The following TENM3 variants were observed in gnomAD, a reference collection of about 807,000 sequenced individuals.
TENM3 encodes teneurin-3.
In TENM3, 63 loss-of-function variants were observed where a neutral mutation model predicts 255.1. That is an observed-to-expected ratio of 0.25 (90% CI 0.20 to 0.30). The LOEUF (loss-of-function observed/expected upper bound fraction) is 0.30, where lower values mean the gene tolerates loss of function less well. Among genes scored for constraint, TENM3 ranks in the 10% least tolerant of loss-of-function variants. The probability of loss-of-function intolerance (pLI) is 1.00; values close to 1 mark genes in which losing one functional copy is unlikely to be tolerated. For missense variants in TENM3, 2,929 were observed against 3,461.1 expected (o/e 0.85, Z 3.86); for synonymous variants, 1,306 against 1,322.3 (o/e 0.99, Z 0.27).
At chr4:182,608,322 C>T (rs1748629560) in intron 4 of TENM3, among the ~76,000 whole-genome samples, 1 of 152,246 alleles carries the variant, frequency 6.6e-6, no homozygotes. Flanking sequence ...GGCACAATCA[C>T]GGCTCCCAGC....
chr4:182,660,008 A>G (rs985129763), intron 6 of TENM3, among the ~76,000 whole-genome samples: 67 of 152,368 alleles, frequency 4.4e-4, no homozygotes, highest in African/African-American at 1.6e-3. Context: ...GGTCTCATCA[A>G]TTAAAAGGGA....
intron 4 of TENM3, among the ~76,000 whole-genome samples, chr4:182,604,364 A>G (rs1212043647): frequency 6.6e-6 from 1 of 152,210 alleles, no homozygotes; most frequent in Non-Finnish European, 1.5e-5. Context: ...GTATAATACC[A>G]AGTGCTTGCT....
chr4:181,861,462 G>A, the TENM3 span, among the ~76,000 whole-genome samples: 2 of 152,258 alleles, frequency 1.3e-5, 1 homozygote, highest in African/African-American at 4.8e-5. Flanking sequence ...ATCTCAAGAT[G>A]CACCTGAAAT....
intron 3 of TENM3, among the ~76,000 whole-genome samples, chr4:182,523,574 A>G (rs1437185974): frequency 2.0e-5 from 3 of 152,184 alleles, no homozygotes; most frequent in Non-Finnish European, 4.4e-5. Flanking sequence ...ATATAACATG[A>G]CATGTCATAA....
chr4:182,057,679 G>A, the TENM3 span, among the ~76,000 whole-genome samples: 1 of 152,124 alleles, frequency 6.6e-6, no homozygotes, highest in South Asian at 2.1e-4. Flanking sequence ...GGAATTACAG[G>A]TGTGAGCTAT....
chr4:182,111,483 A>G, the TENM3 span, among the ~76,000 whole-genome samples: 1 of 152,188 alleles, frequency 6.6e-6, no homozygotes, highest in Non-Finnish European at 1.5e-5. Flanking sequence ...AAGGGCATGT[A>G]CTCAATTGAA....
intron 3 of TENM3, among the ~76,000 whole-genome samples, chr4:182,461,964 TTTGTCAACTC>T (rs1732040001): frequency 1.3e-5 from 2 of 152,328 alleles, no homozygotes; most frequent in African/African-American, 2.4e-5. Context: ...TGGCTTTTTC[TTTGTCAACTC>T]TTGTCAACTC....
chr4:182,125,490 G>A, the TENM3 span, among the ~76,000 whole-genome samples: 1 of 152,166 alleles, frequency 6.6e-6, no homozygotes, highest in Non-Finnish European at 1.5e-5. Flanking sequence ...AAGGGGAAAT[G>A]CCACCGTAAA....
chr4:181,508,484 C>T, the TENM3 span, among the ~76,000 whole-genome samples: 3 of 152,122 alleles, frequency 2.0e-5, no homozygotes, highest in African/African-American at 7.2e-5. Flanking sequence ...TAAGGTTGAC[C>T]ATAGGGAGGA....
intron 3 of TENM3, among the ~76,000 whole-genome samples, chr4:182,472,597 G>T (rs887725153): frequency 2.0e-5 from 3 of 152,088 alleles, no homozygotes; most frequent in Admixed American, 6.5e-5. Flanking sequence ...AGAATTTGAT[G>T]AACTCAATAC....
the TENM3 span, among the ~76,000 whole-genome samples, chr4:181,725,150 A>G: frequency 6.6e-6 from 1 of 152,170 alleles, no homozygotes; most frequent in Non-Finnish European, 1.5e-5. Context: ...AGCGTTCAGC[A>G]TCCCTGGGCC....
chr4:181,826,196 A>T, the TENM3 span, among the ~76,000 whole-genome samples: 2 of 152,234 alleles, frequency 1.3e-5, no homozygotes, highest in Non-Finnish European at 2.9e-5. Flanking sequence ...AATGATGTGT[A>T]TTCACAGTGG....
chr4:181,677,301 G>A, the TENM3 span, among the ~76,000 whole-genome samples: 1 of 152,036 alleles, frequency 6.6e-6, no homozygotes, highest in Non-Finnish European at 1.5e-5. Context: ...CATAGGCACT[G>A]AAAACTTACC....
At chr4:182,384,498 A>G (rs927010097) in intron 3 of TENM3, among the ~76,000 whole-genome samples, 2 of 152,212 alleles carry the variant, frequency 1.3e-5, no homozygotes, top group African/African-American at 2.4e-5. Context: ...GTACTAAAGT[A>G]GCCCTTGAAC....
At chr4:182,387,539 C>G (rs950901269) in intron 3 of TENM3, among the ~76,000 whole-genome samples, 1 of 152,108 alleles carries the variant, frequency 6.6e-6, no homozygotes, top group Non-Finnish European at 1.5e-5. Flanking sequence ...CTTGGGTCCC[C>G]TTCCACACTA....
the TENM3 span, among the ~76,000 whole-genome samples, chr4:182,048,179 T>C: frequency 6.6e-6 from 1 of 152,204 alleles, no homozygotes; most frequent in Non-Finnish European, 1.5e-5. Flanking sequence ...TGTACAAATT[T>C]AGATATTCCA....
the TENM3 span, among the ~76,000 whole-genome samples, chr4:181,938,358 T>TTCA: frequency 6.6e-6 from 1 of 152,200 alleles, no homozygotes; most frequent in South Asian, 2.1e-4. Flanking sequence ...TACTAATTAA[T>TTCA]TCATCTCTAT....
intron 5 of TENM3, among the ~76,000 whole-genome samples, chr4:182,643,029 A>G (rs1284537184): frequency 1.3e-5 from 2 of 152,232 alleles, no homozygotes; most frequent in African/African-American, 4.8e-5. Context: ...ATTTATAGAG[A>G]ACTCTGTGTT....
the TENM3 span, among the ~76,000 whole-genome samples, chr4:181,573,694 A>G: frequency 6.6e-6 from 1 of 152,218 alleles, no homozygotes; most frequent in Non-Finnish European, 1.5e-5. Context: ...CAAAATTTGA[A>G]CCCAAACAAT....
Sources: allele counts gnomAD v4.1 joint callset (sites outside exome capture counted in the v4.1 genomes callset), GRCh38; gene constraint gnomAD v4.1.1; transcripts MANE v1.5; gene names NCBI Gene and HGNC (gene_info 2026-07-23, HGNC 2026-07-21).